The following HTR2C variants were observed in gnomAD, a reference collection of about 807,000 sequenced individuals.
HTR2C encodes the protein 5-hydroxytryptamine (serotonin) receptor 2C, G protein-coupled.
A neutral mutation model predicts 21.0 loss-of-function variants in HTR2C; 5 were observed. The ratio of observed to expected loss-of-function variants is 0.24; its 90% confidence interval spans 0.12 to 0.50. HTR2C has a LOEUF of 0.50. Among genes scored for constraint, HTR2C ranks in the 20% least tolerant of loss-of-function variants. HTR2C has a pLI of 0.98. For missense variants in HTR2C, 271 were observed against 371.2 expected (o/e 0.73, Z 2.22); for synonymous variants, 150 against 145.3 (o/e 1.03, Z -0.23).
At chrX:114,602,286 G>C (rs1928147088) in intron 1 of HTR2C, among the ~76,000 whole-genome samples, 1 of 25,481 alleles carries the variant, frequency 3.9e-5, no homozygotes, top group African/African-American at 1.5e-4. Flanking sequence ...GAAGATAGTA[G>C]GGATGACAAG....
At chrX:114,653,051 T>C (rs2147835918) in intron 2 of HTR2C, among the ~76,000 whole-genome samples, 1 of 109,043 alleles carries the variant, frequency 9.2e-6, no homozygotes, top group African/African-American at 3.3e-5. Flanking sequence ...CTTGTTATAA[T>C]CATCCATTCT....
chrX:114,734,634 AC>A (rs2069573190), intron 4 of HTR2C, among the ~76,000 whole-genome samples: 1 of 108,663 alleles, frequency 9.2e-6, no homozygotes, highest in Non-Finnish European at 1.9e-5. Context: ...TCAAAACACA[AC>A]CATTTATAGG....
intron 4 of HTR2C, among the ~76,000 whole-genome samples, chrX:114,767,910 C>T (rs1218219136): frequency 9.1e-6 from 1 of 109,636 alleles, no homozygotes; most frequent in Non-Finnish European, 1.9e-5. Context: ...CCGTTGTAAT[C>T]AACCTCAGTG....
intron 4 of HTR2C, among the ~76,000 whole-genome samples, chrX:114,802,682 G>GATTC (rs2070357631): frequency 1.3e-5 from 1 of 76,227 alleles, no homozygotes; most frequent in Non-Finnish European, 2.6e-5. Context: ...GCTATGCTTA[G>GATTC]ATTCTTTCTT....
intron 4 of HTR2C, among the ~76,000 whole-genome samples, chrX:114,842,892 A>C (rs1033016886): frequency 8.9e-6 from 1 of 111,963 alleles, no homozygotes; most frequent in African/African-American, 3.2e-5. Context: ...CTGCCACAGA[A>C]GACCAAGAAA....
intron 5 of HTR2C, among the ~76,000 whole-genome samples, chrX:114,876,432 T>C (rs2071137631): frequency 1.0e-5 from 1 of 96,710 alleles, no homozygotes; most frequent in African/African-American, 3.7e-5. Flanking sequence ...CTTTTTTTTT[T>C]TTTTTTTGCC....
chrX:114,796,662 AATAC>A (rs1483451894), intron 4 of HTR2C, among the ~76,000 whole-genome samples: 3 of 111,530 alleles, frequency 2.7e-5, no homozygotes, highest in African/African-American at 9.8e-5. Flanking sequence ...CTCAGATATA[AATAC>A]AATTGTTTTC....
chrX:114,885,329 T>A (rs2071212602), intron 5 of HTR2C, among the ~76,000 whole-genome samples: 1 of 111,522 alleles, frequency 9.0e-6, no homozygotes, highest in Non-Finnish European at 1.9e-5. Flanking sequence ...TACAGTCACA[T>A]GCTATACAGG....
chrX:114,895,974 G>A (rs1029297339), intron 5 of HTR2C, among the ~76,000 whole-genome samples: 1 of 105,860 alleles, frequency 9.4e-6, no homozygotes, highest in Non-Finnish European at 1.9e-5. Context: ...GGGCAACAGA[G>A]TGAGACTCTG....
At chrX:114,753,095 C>T (rs958573530) in intron 4 of HTR2C, among the ~76,000 whole-genome samples, 1 of 69,381 alleles carries the variant, frequency 1.4e-5, no homozygotes, top group African/African-American at 4.5e-5. Flanking sequence ...GAATGACACT[C>T]TAGTGACTTC....
In HTR2C at chrX:114,695,521, T is replaced by G. The variant is rs1421280857; in HGVS notation, c.-79-31337T>G. On this transcript the variant is annotated intron_variant, in intron 2 of 5. Coordinates refer to ENST00000276198, the MANE Select transcript of HTR2C (RefSeq NM_000868.4). ...TCATCATGATTGTCTTCCTTTATCC[T>G]TACAAGTTCATTTTAATAAACACAA... is the stretch of plus-strand genomic sequence containing the variant. Among the ~76,000 whole-genome samples, 4 of 112,192 alleles carry G rather than the reference T, an allele frequency of 3.6e-5. No individual in the cohort carries two copies. The Admixed American group carries it at 3.8e-4, about 11-fold the overall frequency.
chrX:114,650,591 C>T (rs1930523504), intron 2 of HTR2C, among the ~76,000 whole-genome samples: 1 of 111,708 alleles, frequency 9.0e-6, no homozygotes, highest in South Asian at 3.7e-4. Flanking sequence ...CCTGATCATG[C>T]CATCCAAACT....
chrX:114,763,705 C>G (rs2069905729), intron 4 of HTR2C, among the ~76,000 whole-genome samples: 1 of 110,111 alleles, frequency 9.1e-6, no homozygotes, highest in Admixed American at 9.7e-5. Context: ...TACCTAGCAT[C>G]TACTCCTATA....
At chrX:114,779,274 T>C (rs782766978) in intron 4 of HTR2C, among the ~76,000 whole-genome samples, 1 of 111,283 alleles carries the variant, frequency 9.0e-6, no homozygotes, top group African/African-American at 3.3e-5. Flanking sequence ...TGAACAACCT[T>C]GTAAAGTGAA....
intron 5 of HTR2C, among the ~76,000 whole-genome samples, chrX:114,895,889 G>A (rs1342687942): frequency 3.7e-5 from 4 of 109,396 alleles, no homozygotes; most frequent in East Asian, 2.9e-4. Flanking sequence ...TTGGGATGCC[G>A]AGGCAGGGAG....
At chrX:114,833,735 T>A (rs1460197136) in intron 4 of HTR2C, among the ~76,000 whole-genome samples, 2 of 111,522 alleles carry the variant, frequency 1.8e-5, no homozygotes, top group Non-Finnish European at 3.8e-5. Context: ...TCTCTTGCCT[T>A]CTGCTAGCTT....
chrX:114,649,909 C>T (rs1930494906), intron 2 of HTR2C, among the ~76,000 whole-genome samples: 1 of 111,581 alleles, frequency 9.0e-6, no homozygotes, highest in Non-Finnish European at 1.9e-5. Context: ...GCCACCGTGC[C>T]CGGCCTTTTC....
chrX:114,731,852 T>C (rs2069540727), intron 4 of HTR2C, among the ~76,000 whole-genome samples: 1 of 111,629 alleles, frequency 9.0e-6, no homozygotes, highest in African/African-American at 3.3e-5. Context: ...CTTAGTGTCT[T>C]TGTAAACAAT....
intron 5 of HTR2C, among the ~76,000 whole-genome samples, chrX:114,875,442 A>C (rs939813996): frequency 9.0e-6 from 1 of 111,071 alleles, no homozygotes; most frequent in Non-Finnish European, 1.9e-5. Context: ...TTGCTTATTT[A>C]TGTTACCTGT....
Sources: gnomAD v4.1 joint callset for allele counts (sites outside exome capture counted in the v4.1 genomes callset) on GRCh38, gnomAD v4.1.1 for gene constraint, MANE v1.5 for transcripts, NCBI Gene and HGNC (gene_info 2026-07-23, HGNC 2026-07-21) for gene names.